The following RTF2 variants were observed in gnomAD, a reference collection of about 807,000 sequenced individuals.
RTF2 encodes replication termination factor 2, also known as UPF0549 protein C20orf43.
Under a neutral mutation model 38.0 loss-of-function variants are expected in RTF2, and 18 were observed. The observed-to-expected ratio is 0.47, with a 90% CI of 0.33 to 0.70. The LOEUF is 0.70. Among genes scored for constraint, RTF2 ranks in the 30% least tolerant of loss-of-function variants. The probability of loss-of-function intolerance (pLI) is 0.02; values close to 1 mark genes in which losing one functional copy is unlikely to be tolerated. For synonymous variants in RTF2, 126 were observed against 137.1 expected, an observed-to-expected ratio of 0.92 and a Z score of 0.57; for missense variants, 311 against 379.6, an observed-to-expected ratio of 0.82 and a Z score of 1.50.
intron 5 of RTF2, among the ~76,000 whole-genome samples, chr20:56,509,409 C>T (rs1001415480): frequency 1.6e-4 from 25 of 152,006 alleles, no homozygotes; most frequent in Admixed American, 1.5e-3. Context: ...GTCGGGAGTT[C>T]AAGACCAGCC....
At chr20:56,495,999 T>G (rs1003179653) in intron 5 of RTF2, among the ~76,000 whole-genome samples, 5 of 152,152 alleles carry the variant, frequency 3.3e-5, no homozygotes, top group Admixed American at 3.3e-4. Context: ...CCAGTAGTAT[T>G]TATAAAATAA....
chr20:56,474,238 T>C lies in RTF2; in HGVS notation c.165-440T>C, dbSNP rs142244352. Reference sequence around the variant, plus strand: ...GCTCATGCCTGTGATCCCAGCACTTTGGGAGGCTGAGGTGGGTGGATCACC... The same window carrying C: ...GCTCATGCCTGTGATCCCAGCACTTCGGGAGGCTGAGGTGGGTGGATCACC... On this transcript the variant is annotated intron_variant, in intron 2 of 8. Coordinates refer to ENST00000357348, the MANE Select transcript of RTF2 (RefSeq NM_016407.5). Among the ~76,000 whole-genome samples, 339 of 152,290 alleles carry C rather than the reference T, an allele frequency of 2.2e-3. 2 individuals carry two copies. The highest frequency in any genetic ancestry group is 0.015 in the Admixed American group (235 of 15,290).
At chr20:56,516,629 A>G in intron 6 of RTF2, 1 of 452,220 alleles carries the variant, frequency 2.2e-6, no homozygotes, top group East Asian at 3.9e-5. Flanking sequence ...ATTGGCCCTT[A>G]TTACTGAAAT....
chr20:56,515,216 A>G (rs1256463114), intron 6 of RTF2, among the ~76,000 whole-genome samples: 1 of 152,208 alleles, frequency 6.6e-6, no homozygotes, highest in Non-Finnish European at 1.5e-5. Context: ...AACTAAGGAC[A>G]GTTGCCAAAA....
chr20:56,518,063 A>G, intron 8 of RTF2, 24 bp from the exon 9 acceptor site: 1 of 1,593,854 alleles, frequency 6.3e-7, no homozygotes, highest in Non-Finnish European at 8.5e-7. Context: ...CAACCCTGAC[A>G]GTTTTGGCTC....
At chr20:56,494,475 C>G (rs1042160192) in intron 5 of RTF2, among the ~76,000 whole-genome samples, 2 of 152,178 alleles carry the variant, frequency 1.3e-5, no homozygotes, top group African/African-American at 4.8e-5. Context: ...ACTGACTAGT[C>G]CTGACAAACC....
intron 5 of RTF2, among the ~76,000 whole-genome samples, chr20:56,507,577 A>G (rs1217248883): frequency 6.6e-6 from 1 of 152,230 alleles, no homozygotes. Flanking sequence ...ACACAACTGT[A>G]TGCAGAATAA....
chr20:56,504,323 C>T (rs983482436), intron 5 of RTF2: 1 of 152,182 alleles, frequency 6.6e-6, no homozygotes, highest in African/African-American at 2.4e-5. Flanking sequence ...CAACAGAAGA[C>T]GCCTGACCCA....
At chr20:56,500,447 G>A (rs1983854898) in intron 5 of RTF2, among the ~76,000 whole-genome samples, 3 of 152,220 alleles carry the variant, frequency 2.0e-5, no homozygotes, top group African/African-American at 4.8e-5. Context: ...GATACCCCAT[G>A]TAAATTTGGC....
At chr20:56,491,615 A>G (rs543725406) in intron 5 of RTF2, 341 of 1,551,886 alleles carry the variant, frequency 2.2e-4, no homozygotes, top group Non-Finnish European at 2.8e-4. Flanking sequence ...GTGTGGCTCT[A>G]TAGGAACTTC....
chr20:56,517,063 G>T (rs1465059903), intron 7 of RTF2, 43 bp from the exon 8 acceptor site: 2 of 1,610,862 alleles, frequency 1.2e-6, no homozygotes, highest in Admixed American at 3.3e-5. Flanking sequence ...TTCATGCTTT[G>T]TTTTGCATTG....
chr20:56,501,545 T>C (rs1332786860), intron 5 of RTF2, among the ~76,000 whole-genome samples: 1 of 152,184 alleles, frequency 6.6e-6, no homozygotes, highest in African/African-American at 2.4e-5. Context: ...GTATTATGTA[T>C]GGAGTAGGTA....
intron 5 of RTF2, among the ~76,000 whole-genome samples, chr20:56,511,669 G>GCTGCATCC (rs1984678573): frequency 6.6e-6 from 1 of 152,062 alleles, no homozygotes; most frequent in South Asian, 2.1e-4. Context: ...TATGATGCTT[G>GCTGCATCC]CTGCATCCCT....
At chr20:56,517,306 C>A in intron 8 of RTF2, 105 bp downstream of exon 8, 1 of 834,606 alleles carries the variant, frequency 1.2e-6, no homozygotes. Context: ...CCAAGCCTGT[C>A]CTATGTCATG....
At chr20:56,473,624 C>G (rs1271830692) in intron 2 of RTF2, among the ~76,000 whole-genome samples, 1 of 152,176 alleles carries the variant, frequency 6.6e-6, no homozygotes, top group African/African-American at 2.4e-5. Flanking sequence ...TGGCTCACAC[C>G]TGTAATCCCA....
intron 5 of RTF2, chr20:56,495,179 T>G: frequency 6.6e-7 from 1 of 1,514,592 alleles, no homozygotes; most frequent in Non-Finnish European, 9.0e-7. Context: ...GCCTTTTTTG[T>G]TTTGTTTTGT....
Position 56,486,519 on chromosome 20 carries a change from C to T in RTF2, c.477+2330C>T, listed in dbSNP as rs372848008. Among the ~76,000 whole-genome samples, 15 of 152,082 alleles carry T rather than the reference C, an allele frequency of 9.9e-5. 1 individual carries two copies. The highest frequency in any genetic ancestry group is 2.2e-4 in the African/African-American group (9 of 41,510). ...CAAAAATTAGCTGGGTGTGGTGGCA[C>T]GCGCCTGTAATCCTGGCTGCTCGGG... On this transcript the variant is annotated intron_variant, in intron 5 of 8. Coordinates refer to ENST00000357348, the MANE Select transcript of RTF2 (RefSeq NM_016407.5).
At chr20:56,502,147 G>A (rs1983966487) in intron 5 of RTF2, among the ~76,000 whole-genome samples, 1 of 152,128 alleles carries the variant, frequency 6.6e-6, no homozygotes, top group Admixed American at 6.5e-5. Context: ...ATCTTTCAGT[G>A]GAAATCATTG....
chr20:56,495,023 T>A (rs1011539084), intron 5 of RTF2, among the ~76,000 whole-genome samples: 4 of 152,206 alleles, frequency 2.6e-5, no homozygotes, highest in African/African-American at 9.7e-5. Context: ...CTTTTCTGTA[T>A]GAATCTTATA....
Sources: gnomAD v4.1 joint callset for allele counts (sites outside exome capture counted in the v4.1 genomes callset) on GRCh38, gnomAD v4.1.1 for gene constraint, MANE v1.5 for transcripts, NCBI Gene and HGNC (gene_info 2026-07-23, HGNC 2026-07-21) for gene names.